The following PGR variants were observed in gnomAD, a reference collection of about 807,000 sequenced individuals.
The protein encoded by PGR is progesterone receptor.
PGR carries 25 observed loss-of-function variants against 76.1 expected under a neutral mutation model. That is an observed-to-expected ratio of 0.33 (90% CI 0.24 to 0.46). The LOEUF (loss-of-function observed/expected upper bound fraction) is 0.46, where lower values mean the gene tolerates loss of function less well. PGR is among the 20% of genes least tolerant of loss of function. The pLI is 1.00. For synonymous variants in PGR, 579 were observed against 535.0 expected (o/e 1.08, Z -1.14); for missense variants, 1,172 against 1,225.3 (o/e 0.96, Z 0.65).
intron 6 of PGR, among the ~76,000 whole-genome samples, chr11:101,042,710 T>C (rs1015562323): frequency 6.6e-6 from 1 of 152,218 alleles, no homozygotes; most frequent in Non-Finnish European, 1.5e-5. Flanking sequence ...ATCTTGGAGA[T>C]ATAGCCGGTT....
chr11:101,115,758 G>C (rs1359949840), intron 2 of PGR, among the ~76,000 whole-genome samples: 1 of 142,990 alleles, frequency 7.0e-6, no homozygotes, highest in Non-Finnish European at 1.5e-5. Flanking sequence ...TACAGAGCGG[G>C]GACTCCCTCT....
chr11:101,053,904 C>T (rs1860195451), intron 4 of PGR, among the ~76,000 whole-genome samples: 1 of 152,058 alleles, frequency 6.6e-6, no homozygotes, highest in Non-Finnish European at 1.5e-5. Flanking sequence ...CCTACTTTCC[C>T]ACGGAGAAAG....
At chr11:101,073,465 A>G (rs1013893215) in intron 3 of PGR, among the ~76,000 whole-genome samples, 1 of 152,182 alleles carries the variant, frequency 6.6e-6, no homozygotes, top group African/African-American at 2.4e-5. Context: ...AGAGGACAAG[A>G]AATAACTAAG....
At chr11:101,073,761 C>T (rs181723608) in intron 3 of PGR, among the ~76,000 whole-genome samples, 1 of 152,136 alleles carries the variant, frequency 6.6e-6, no homozygotes, top group Non-Finnish European at 1.5e-5. Flanking sequence ...GACACATACA[C>T]CCTCCCAAGA....
chr11:101,050,015 A>G lies in PGR; in HGVS notation c.2402T>C (p.Met801Thr), dbSNP rs1860033553. The G allele has an allele frequency of 6.2e-7, 1 of 1,612,574 alleles. No individual in the cohort carries two copies. The highest frequency in any genetic ancestry group is 8.5e-7 in the Non-Finnish European group (1 of 1,179,146). Reference sequence around the variant, plus strand: ...GACAAACTCCTGTGGGATCTGCCACATGGTAAGGCATAATGAATAGAATGA... The same window carrying G: ...GACAAACTCCTGTGGGATCTGCCACGTGGTAAGGCATAATGAATAGAATGA... ...ESSFYSLCLT[M>T]WQIPQEFVKL... is the part of the protein sequence containing the mutation. Residue 801 changes from methionine (M) to threonine (T), a missense_variant, in exon 6 of 8, where the codon ATG (methionine) becomes ACG (threonine). Physicochemically the swap from Met to Thr is moderately conservative, Grantham distance 81. Coordinates refer to ENST00000325455, the MANE Select transcript of PGR (RefSeq NM_000926.4).
chr11:101,053,100 C>A (rs1162086756), intron 4 of PGR, among the ~76,000 whole-genome samples: 2 of 152,102 alleles, frequency 1.3e-5, no homozygotes, highest in Non-Finnish European at 2.9e-5. Context: ...GGTATGGAGA[C>A]AATGTTTTGC....
chr11:101,050,329 T>G (rs1169977435), intron 5 of PGR, among the ~76,000 whole-genome samples: 3 of 152,130 alleles, frequency 2.0e-5, no homozygotes, highest in Admixed American at 1.3e-4. Context: ...GTTTCTCACT[T>G]TTATTATCAC....
chr11:101,115,509 C>T (rs551114473), intron 2 of PGR, among the ~76,000 whole-genome samples: 5 of 152,116 alleles, frequency 3.3e-5, no homozygotes, highest in Admixed American at 6.6e-5. Flanking sequence ...CTGTTGCTCA[C>T]GCCTGTAATC....
intron 3 of PGR, among the ~76,000 whole-genome samples, chr11:101,083,483 G>C (rs1349070240): frequency 6.6e-6 from 1 of 152,212 alleles, no homozygotes; most frequent in African/African-American, 2.4e-5. Context: ...CTTGCATTGT[G>C]TGCCTGGAAT....
chr11:101,091,749 A>T lies in PGR; in HGVS notation c.1906+11T>A. On this transcript the variant is annotated intron_variant, in intron 3 of 7. Coordinates refer to ENST00000325455, the MANE Select transcript of PGR (RefSeq NM_000926.4). ...TACACAGTATATTATTGATGAAAACATCAGAATTACCTCCAAGGACCATGC... is the reference window on the plus strand; with the variant it reads ...TACACAGTATATTATTGATGAAAACTTCAGAATTACCTCCAAGGACCATGC... 7.5e-7 allele frequency: 1 copy of T among 1,333,610 alleles called. No homozygotes were observed. Among genetic ancestry groups the T allele is most frequent in the East Asian group, 2.3e-5 (1 of 43,594 alleles). 82.6% of individuals were successfully genotyped at this position (1,333,610 alleles called of 1,614,324 possible). A position where few individuals can be genotyped will look rare whatever the true frequency, so the allele number is the denominator to read the frequency against.
chr11:101,033,134 A>T lies in PGR; in HGVS notation c.*5982T>A, dbSNP rs530566899. The T allele has an allele frequency of 3.4e-5, 7 of 208,272 alleles. No individual in the cohort carries two copies. The highest frequency in any genetic ancestry group is 1.4e-4 in the African/African-American group (6 of 44,184). The allele number at this position is 208,272 out of a possible 1,614,324, so 12.9% of individuals were successfully genotyped here. ...GCACAACTCAGAAAAGTTAAAATAC[A>T]CAGAATACTAAGATCAAAAGGAGAT... is the stretch of plus-strand genomic sequence containing the variant. On this transcript the variant is annotated 3_prime_UTR_variant, in exon 8 of 8. Transcript: ENST00000325455.
chr11:101,085,334 A>G (rs1861454562), intron 3 of PGR, among the ~76,000 whole-genome samples: 1 of 150,776 alleles, frequency 6.6e-6, no homozygotes, highest in Non-Finnish European at 1.5e-5. Context: ...TGCTCTGGAT[A>G]ACTTTGAGTA....
rs61303675 is a variant in PGR at position 101,055,414 on chromosome 11, C to CA, written c.2213-3847dup. On this transcript the variant is annotated intron_variant, in intron 4 of 7. Coordinates refer to ENST00000325455, the MANE Select transcript of PGR (RefSeq NM_000926.4). The stretch of plus-strand genomic sequence containing the variant: ...CTGGTGACACAGCGAGACTCCATCT[C>CA]AAAAAAAAAAAAAAAAAAAAAAAAA... Among the ~76,000 whole-genome samples the CA allele has an allele frequency of 4.5e-3, 290 of 65,034 alleles. 17 individuals are homozygous for CA. Among genetic ancestry groups the CA allele is most frequent in the African/African-American group, 0.012 (191 of 15,298 alleles). 42.7% of individuals were successfully genotyped at this position (65,034 alleles called of 152,430 possible).
intron 2 of PGR, among the ~76,000 whole-genome samples, chr11:101,103,925 C>T (rs1276988818): frequency 6.6e-6 from 1 of 152,164 alleles, no homozygotes; most frequent in African/African-American, 2.4e-5. Context: ...TAACCTTGAG[C>T]AGATCATTTA....
In PGR at chr11:101,029,869, G is replaced by A. The variant is rs1189115678; in HGVS notation, c.*9247C>T. On this transcript the variant is annotated 3_prime_UTR_variant, in exon 8 of 8. Coordinates refer to ENST00000325455, the MANE Select transcript of PGR (RefSeq NM_000926.4). The stretch of plus-strand genomic sequence containing the variant: ...CATATTAGCTTGAAAATAAGTATAT[G>A]ATGATGATATTAGGTGCCCACTAGC... The A allele has an allele frequency of 4.5e-6, 1 of 222,222 alleles. No individual in the cohort carries two copies. Among genetic ancestry groups the A allele is most frequent in the Non-Finnish European group, 9.0e-6 (1 of 111,202 alleles). 13.8% of individuals were successfully genotyped at this position (222,222 alleles called of 1,614,324 possible). A position where few individuals can be genotyped will look rare whatever the true frequency, so the allele number is the denominator to read the frequency against.
intron 3 of PGR, among the ~76,000 whole-genome samples, chr11:101,082,057 T>C (rs1381675946): frequency 6.6e-6 from 1 of 152,148 alleles, no homozygotes; most frequent in African/African-American, 2.4e-5. Flanking sequence ...TCCCCCATAC[T>C]GTTGTTGTGA....
intron 2 of PGR, among the ~76,000 whole-genome samples, chr11:101,115,844 G>A (rs1436401496): frequency 2.6e-5 from 4 of 152,118 alleles, no homozygotes; most frequent in Non-Finnish European, 4.4e-5. Flanking sequence ...CAAAAAGCCA[G>A]CAGGCACCAC....
In PGR at chr11:101,037,640, T is replaced by C. The variant is rs1859554111; in HGVS notation, c.*1476A>G. The C allele has an allele frequency of 4.4e-6, 1 of 226,288 alleles. No homozygotes were observed. Among genetic ancestry groups the C allele is most frequent in the East Asian group, 6.4e-5 (1 of 15,736 alleles). The allele number at this position is 226,288 out of a possible 1,614,324, so 14.0% of individuals were successfully genotyped here. A position where few individuals can be genotyped will look rare whatever the true frequency, so the allele number is the denominator to read the frequency against. On this transcript the variant is annotated 3_prime_UTR_variant, in exon 8 of 8. Transcript: ENST00000325455. ...CATAAAATACACTTCTATTCTTCTATGTTATAGTCAGTAAAGGGAGAGATC... is the reference window on the plus strand; with the variant it reads ...CATAAAATACACTTCTATTCTTCTACGTTATAGTCAGTAAAGGGAGAGATC...
chr11:101,119,348 T>C (rs1862604339), intron 2 of PGR, among the ~76,000 whole-genome samples: 1 of 151,098 alleles, frequency 6.6e-6, no homozygotes, highest in Non-Finnish European at 1.5e-5. Context: ...CAATCAATCC[T>C]TTAAAGAAGT....
Sources: allele counts gnomAD v4.1 joint callset (sites outside exome capture counted in the v4.1 genomes callset), GRCh38; gene constraint gnomAD v4.1.1; transcripts MANE v1.5; gene names NCBI Gene and HGNC (gene_info 2026-07-23, HGNC 2026-07-21).